Variants in GRID2 observed in about 807,000 individuals in gnomAD.
GRID2 encodes the protein glutamate receptor ionotropic, delta-2.
A neutral mutation model predicts 114.8 loss-of-function variants in GRID2; 33 were observed. The observed-to-expected ratio is 0.29, with a 90% CI of 0.22 to 0.38. The LOEUF (loss-of-function observed/expected upper bound fraction) is 0.38, where lower values mean the gene tolerates loss of function less well. Among genes scored for constraint, GRID2 ranks in the 10% least tolerant of loss-of-function variants. The pLI is 1.00. For missense variants in GRID2, 1,184 were observed against 1,257.7 expected, an observed-to-expected ratio of 0.94 and a Z score of 0.89; for synonymous variants, 505 against 449.9, an observed-to-expected ratio of 1.12 and a Z score of -1.55.
intron 2 of GRID2, among the ~76,000 whole-genome samples, chr4:92,637,261 C>A (rs1238781448): frequency 6.6e-6 from 1 of 151,812 alleles, no homozygotes; most frequent in African/African-American, 2.4e-5. Context: ...TTTAAAATAT[C>A]ATTTTCATCT....
intron 8 of GRID2, among the ~76,000 whole-genome samples, chr4:93,275,446 A>C (rs939364581): frequency 6.6e-6 from 1 of 151,508 alleles, no homozygotes; most frequent in Admixed American, 6.6e-5. Flanking sequence ...ATATATATAT[A>C]TATACCTAGG....
At chr4:92,679,159 T>G (rs1733525769) in intron 2 of GRID2, among the ~76,000 whole-genome samples, 1 of 152,092 alleles carries the variant, frequency 6.6e-6, no homozygotes. Context: ...TCATAAGTCT[T>G]TGGTCAAGCC....
intron 6 of GRID2, 28 bp from the exon 7 acceptor site, chr4:93,224,586 T>C: frequency 6.7e-7 from 1 of 1,503,122 alleles, no homozygotes; most frequent in Non-Finnish European, 9.2e-7. Context: ...TCAATGATTC[T>C]AATGATCACT....
Position 92,441,414 on chromosome 4 carries a change from T to A in GRID2, c.88+136670T>A, listed in dbSNP as rs544830683. 1.8e-4 allele frequency among the ~76,000 whole-genome samples: 28 copies of A among 152,112 alleles called. No homozygotes were observed. In the South Asian group the frequency reaches 5.2e-3, roughly 28 times the overall value. On this transcript the variant is annotated intron_variant, in intron 1 of 15. Coordinates refer to ENST00000282020, the MANE Select transcript of GRID2 (RefSeq NM_001510.4). ...AAGTGAAAGCGAAGAGAGGCTGGGA[T>A]TAAGGGGCAAAGGAATAGTAAAGAA...
chr4:93,665,851 T>C (rs1250182019), intron 14 of GRID2, among the ~76,000 whole-genome samples: 1 of 152,184 alleles, frequency 6.6e-6, no homozygotes, highest in Non-Finnish European at 1.5e-5. Context: ...CTATTTATAC[T>C]TCCTTCCTGA....
chr4:93,501,078 G>T (rs1728050730), intron 12 of GRID2, among the ~76,000 whole-genome samples: 1 of 151,792 alleles, frequency 6.6e-6, no homozygotes, highest in Admixed American at 6.6e-5. Context: ...GTACTTAGTG[G>T]GTTACAAGTA....
At chr4:92,550,987 T>G (rs1431701392) in intron 1 of GRID2, among the ~76,000 whole-genome samples, 1 of 152,168 alleles carries the variant, frequency 6.6e-6, no homozygotes, top group African/African-American at 2.4e-5. Flanking sequence ...GTTTTCTGAT[T>G]CTGGTTAATT....
At chr4:92,885,094 A>C in intron 2 of GRID2, 1 of 320,012 alleles carries the variant, frequency 3.1e-6, no homozygotes, top group Non-Finnish European at 6.1e-6. Context: ...ATTGAAATAA[A>C]AAAACTGTTA....
chr4:93,061,802 T>C (rs372840593), intron 2 of GRID2, among the ~76,000 whole-genome samples: 8 of 152,084 alleles, frequency 5.3e-5, no homozygotes, highest in African/African-American at 1.7e-4. Context: ...ACCCAGAAAG[T>C]GTATGACTTC....
chr4:92,330,106 T>C (rs1390634152), intron 1 of GRID2, among the ~76,000 whole-genome samples: 5 of 151,744 alleles, frequency 3.3e-5, no homozygotes, highest in Non-Finnish European at 2.9e-5. Context: ...GTAAGGTAGA[T>C]TAGTTCAGGG....
chr4:93,394,755 T>G (rs1765171935), intron 8 of GRID2, among the ~76,000 whole-genome samples: 1 of 152,034 alleles, frequency 6.6e-6, no homozygotes, highest in African/African-American at 2.4e-5. Flanking sequence ...AGGAAATTTC[T>G]TCTCAAGATG....
intron 4 of GRID2, among the ~76,000 whole-genome samples, chr4:93,199,352 C>T (rs1335111155): frequency 6.6e-6 from 1 of 152,106 alleles, no homozygotes; most frequent in Non-Finnish European, 1.5e-5. Context: ...TAATATAGAA[C>T]ACAGGAAAGT....
intron 2 of GRID2, among the ~76,000 whole-genome samples, chr4:92,754,577 A>G (rs1039914019): frequency 6.6e-6 from 1 of 152,182 alleles, no homozygotes; most frequent in Non-Finnish European, 1.5e-5. Context: ...TAAATGAATT[A>G]TTATAATTAA....
intron 2 of GRID2, chr4:92,821,880 C>T (rs918123240): frequency 6.4e-6 from 1 of 155,556 alleles, no homozygotes; most frequent in African/African-American, 2.4e-5. Flanking sequence ...CTCCCCATCT[C>T]TTTATGTTTC....
chr4:93,790,969 A>G (rs976885991), intron 1 of GRID2, among the ~76,000 whole-genome samples: 29 of 152,236 alleles, frequency 1.9e-4, no homozygotes, highest in African/African-American at 4.3e-4. Context: ...CTTTGTTCAC[A>G]GTAGGCTCAA....
chr4:92,364,986 C>A (rs1728782949), intron 1 of GRID2, among the ~76,000 whole-genome samples: 2 of 151,828 alleles, frequency 1.3e-5, no homozygotes, highest in Non-Finnish European at 2.9e-5. Context: ...GGTTTCCCAG[C>A]AAAAAATAAG....
intron 2 of GRID2, among the ~76,000 whole-genome samples, chr4:92,781,932 T>C (rs1042779059): frequency 6.6e-6 from 1 of 152,086 alleles, no homozygotes; most frequent in African/African-American, 2.4e-5. Flanking sequence ...ATACACTGTA[T>C]TGATATTGTC....
intron 1 of GRID2, among the ~76,000 whole-genome samples, chr4:92,441,031 T>A (rs965206816): frequency 6.6e-6 from 1 of 151,880 alleles, no homozygotes; most frequent in African/African-American, 2.4e-5. Flanking sequence ...CTAAAAGTAT[T>A]AAAGCAGCGG....
chr4:93,047,002 A>G (rs779371379), intron 2 of GRID2, among the ~76,000 whole-genome samples: 6 of 151,952 alleles, frequency 3.9e-5, no homozygotes, highest in Non-Finnish European at 8.8e-5. Context: ...TGTTGATAGT[A>G]TGGACACTTA....
Sources: gnomAD v4.1 joint callset for allele counts (sites outside exome capture counted in the v4.1 genomes callset) on GRCh38, gnomAD v4.1.1 for gene constraint, MANE v1.5 for transcripts, NCBI Gene and HGNC (gene_info 2026-07-23, HGNC 2026-07-21) for gene names.